Variants in KLF12 observed in about 807,000 individuals in gnomAD.
The protein encoded by KLF12 is Krueppel-like factor 12.
In KLF12, 9 loss-of-function variants were observed where a neutral mutation model predicts 37.8. The observed-to-expected ratio is 0.24, with a 90% CI of 0.14 to 0.42. The LOEUF is 0.42. Ranked by LOEUF, KLF12 falls within the 10% of genes least tolerant of loss-of-function variation. The pLI is 1.00. For missense variants in KLF12, 411 were observed against 516.0 expected, an observed-to-expected ratio of 0.80 and a Z score of 1.97; for synonymous variants, 208 against 202.1, an observed-to-expected ratio of 1.03 and a Z score of -0.25.
rs1368076066 is a variant in KLF12 at position 73,922,541 on chromosome 13, G to A, written c.123+21440C>T. On this transcript the variant is annotated intron_variant, in intron 3 of 7. Coordinates refer to ENST00000377669, the MANE Select transcript of KLF12 (RefSeq NM_007249.5). The stretch of plus-strand genomic sequence containing the variant: ...GTTTATTAATTTTGTTTTGTTGGGG[G>A]TGGGGAGGTATAATCTGTCTCTTCT... Among the ~76,000 whole-genome samples, 70 of 152,134 alleles carry A rather than the reference G, an allele frequency of 4.6e-4. 2 individuals are homozygous for A. The highest frequency in any genetic ancestry group is 1.6e-4 in the Non-Finnish European group (11 of 68,016).
chr13:73,719,994 T>G (rs922471496), intron 6 of KLF12, among the ~76,000 whole-genome samples: 10 of 152,284 alleles, frequency 6.6e-5, no homozygotes, highest in African/African-American at 2.4e-4. Flanking sequence ...TCTCAATTAT[T>G]TCCTCTAAGT....
chr13:73,964,255 T>C (rs1891110189), intron 2 of KLF12, among the ~76,000 whole-genome samples: 1 of 152,086 alleles, frequency 6.6e-6, no homozygotes, highest in South Asian at 2.1e-4. Flanking sequence ...TGCAGAGACA[T>C]AAAGAGTCCA....
At chr13:74,219,138 T>G in the KLF12 span, among the ~76,000 whole-genome samples, 1 of 152,054 alleles carries the variant, frequency 6.6e-6, no homozygotes, top group Non-Finnish European at 1.5e-5. Context: ...TGTATTTTTG[T>G]AGAGACAAGG....
chr13:73,710,506 TG>T (rs1457858800), intron 7 of KLF12, among the ~76,000 whole-genome samples: 1 of 125,060 alleles, frequency 8.0e-6, no homozygotes, highest in East Asian at 1.9e-4. Flanking sequence ...TTTGCATCTT[TG>T]TGTGATACTT....
chr13:74,142,929 T>C, the KLF12 span, among the ~76,000 whole-genome samples: 1 of 152,138 alleles, frequency 6.6e-6, no homozygotes, highest in African/African-American at 2.4e-5. Flanking sequence ...TTAAAATGAA[T>C]CATCTCTGTG....
intron 1 of KLF12, among the ~76,000 whole-genome samples, chr13:74,021,326 C>A (rs1886520): frequency 0.63 from 96,223 of 151,936 alleles, 31,213 homozygotes; most frequent in East Asian, 0.84. Context: ...ATAATAAATC[C>A]TATTTCATTA....
rs142896333 is a variant in KLF12 at position 73,859,963 on chromosome 13, T to C, written c.124-13590A>G. On this transcript the variant is annotated intron_variant, in intron 3 of 7. Coordinates refer to ENST00000377669, the MANE Select transcript of KLF12 (RefSeq NM_007249.5). ...CTCATAACTTTTTTTAAAAAAAGTT[T>C]TATTTTTGACCAATGATGAGTGCTC... is the stretch of plus-strand genomic sequence containing the variant. 1.7e-3 allele frequency among the ~76,000 whole-genome samples: 255 copies of C among 152,298 alleles called. 2 individuals carry two copies. The highest frequency in any genetic ancestry group is 5.8e-3 in the African/African-American group (240 of 41,578).
the KLF12 span, among the ~76,000 whole-genome samples, chr13:74,222,446 A>G: frequency 2.0e-5 from 3 of 152,208 alleles, no homozygotes; most frequent in Admixed American, 6.5e-5. Flanking sequence ...ATTTATTTCT[A>G]TTTATTGATC....
chr13:73,965,552 A>G (rs1485894160), intron 2 of KLF12, among the ~76,000 whole-genome samples: 1 of 152,126 alleles, frequency 6.6e-6, no homozygotes, highest in African/African-American at 2.4e-5. Flanking sequence ...TTGCGCTTGT[A>G]TCTACATGGC....
chr13:73,773,499 C>T (rs897299962), intron 5 of KLF12, among the ~76,000 whole-genome samples: 4 of 152,162 alleles, frequency 2.6e-5, no homozygotes, highest in African/African-American at 9.7e-5. Context: ...TTAAACAACC[C>T]AGAAACCCAG....
At chr13:74,057,933 G>C (rs571392743) in intron 1 of KLF12, among the ~76,000 whole-genome samples, 1 of 151,584 alleles carries the variant, frequency 6.6e-6, no homozygotes, top group African/African-American at 2.4e-5. Flanking sequence ...AACAAAAACT[G>C]AAAGAGTTCA....
At chr13:74,101,770 G>C (rs1876359359) in intron 1 of KLF12, among the ~76,000 whole-genome samples, 1 of 152,176 alleles carries the variant, frequency 6.6e-6, no homozygotes, top group Admixed American at 6.5e-5. Context: ...CTAGGAATCT[G>C]TGACATAATA....
chr13:73,725,245 C>T (rs111930382), intron 6 of KLF12, among the ~76,000 whole-genome samples: 23,333 of 151,956 alleles, frequency 0.15, 2,950 homozygotes, highest in African/African-American at 0.35. Context: ...GAACTACAGG[C>T]GCCCGCCACC....
the KLF12 span, among the ~76,000 whole-genome samples, chr13:74,163,353 A>G: frequency 6.6e-6 from 1 of 152,224 alleles, no homozygotes; most frequent in African/African-American, 2.4e-5. Context: ...AGATGAATGG[A>G]TAAAGAAAAT....
intron 1 of KLF12, among the ~76,000 whole-genome samples, chr13:74,066,056 G>T: frequency 6.6e-6 from 1 of 152,082 alleles, no homozygotes; most frequent in East Asian, 1.9e-4. Context: ...GAGCAGGGAG[G>T]TGCATAAACA....
At chr13:74,298,223 T>C in the KLF12 span, among the ~76,000 whole-genome samples, 2 of 152,208 alleles carry the variant, frequency 1.3e-5, no homozygotes, top group Non-Finnish European at 2.9e-5. Flanking sequence ...AGTAGTTTTA[T>C]GGCATTTAAA....
chr13:74,241,675 G>A, the KLF12 span, among the ~76,000 whole-genome samples: 3 of 152,170 alleles, frequency 2.0e-5, no homozygotes, highest in Admixed American at 1.3e-4. Flanking sequence ...TAAGCCCGTC[G>A]GAAAAGCGCA....
intron 3 of KLF12, among the ~76,000 whole-genome samples, chr13:73,885,614 T>A (rs1442508153): frequency 1.3e-5 from 2 of 152,062 alleles, no homozygotes; most frequent in African/African-American, 4.8e-5. Flanking sequence ...AGATTTGAAA[T>A]AAGAGAGGAA....
chr13:74,070,272 G>T (rs17062078), intron 1 of KLF12, among the ~76,000 whole-genome samples: 29,330 of 152,122 alleles, frequency 0.19, 3,039 homozygotes, highest in Admixed American at 0.27. Flanking sequence ...ATGCAAAAGC[G>T]AAGTCAAAGA....
Sources: gnomAD v4.1 joint callset for allele counts (sites outside exome capture counted in the v4.1 genomes callset) on GRCh38, gnomAD v4.1.1 for gene constraint, MANE v1.5 for transcripts, NCBI Gene and HGNC (gene_info 2026-07-23, HGNC 2026-07-21) for gene names.